The following ZNF558 variants were observed in gnomAD, a reference collection of about 807,000 sequenced individuals.
The protein encoded by ZNF558 is zinc finger protein 558.
A neutral mutation model predicts 37.6 loss-of-function variants in ZNF558; 23 were observed. The ratio of observed to expected loss-of-function variants is 0.61; its 90% CI spans 0.44 to 0.87. The LOEUF (loss-of-function observed/expected upper bound fraction) is 0.87. ZNF558 is among the 40% of genes least tolerant of loss of function. The probability of loss-of-function intolerance (pLI) is 0.00; values close to 1 mark genes in which losing one functional copy is unlikely to be tolerated. For synonymous variants in ZNF558, 189 were observed against 174.4 expected (o/e 1.08, Z -0.66); for missense variants, 429 against 483.7 (o/e 0.89, Z 1.06).
rs1171899625 is a variant in ZNF558, at chr19:8,821,172, A to T, written c.247+8T>A. 6.2e-7 allele frequency: 1 copy of T among 1,613,294 alleles called. No individual in the cohort carries two copies. Among genetic ancestry groups the T allele is most frequent in the Non-Finnish European group, 8.5e-7 (1 of 1,179,412 alleles). On this transcript the variant is annotated splice_region_variant and intron_variant, in intron 7 of 9. Coordinates refer to ENST00000601372, the MANE Select transcript of ZNF558 (RefSeq NM_144693.3). The stretch of plus-strand genomic sequence containing the variant: ...ATTAAATAAATGCAGGAATGACATT[A>T]GGCTTACCTAGTGAGGCCAGGTTCC...
chr19:8,815,738 A>G (rs1486636466), intron 7 of ZNF558, among the ~76,000 whole-genome samples: 1 of 151,922 alleles, frequency 6.6e-6, no homozygotes, highest in Non-Finnish European at 1.5e-5. Context: ...GTAAGCCACA[A>G]TCACTCTGCT....
intron 2 of ZNF558, among the ~76,000 whole-genome samples, 166 bp from the exon 3 acceptor site, chr19:8,825,274 C>A (rs916391958): frequency 6.6e-6 from 1 of 152,220 alleles, no homozygotes; most frequent in Admixed American, 6.5e-5. Flanking sequence ...GAAAACACCA[C>A]AAGTGACCAT....
chr19:8,819,601 G>A (rs1389823810), intron 7 of ZNF558, among the ~76,000 whole-genome samples: 1 of 152,124 alleles, frequency 6.6e-6, no homozygotes, highest in African/African-American at 2.4e-5. Flanking sequence ...AATATAAAAT[G>A]AACTTTTAAA....
intron 2 of ZNF558, among the ~76,000 whole-genome samples, chr19:8,826,482 T>TCCCTCACATGCAAA (rs2044234441): frequency 6.6e-6 from 1 of 150,670 alleles, no homozygotes. Context: ...TCCTAAGGAG[T>TCCCTCACATGCAAA]GTGCAATCCA....
chr19:8,836,823 A>T (rs773771774), upstream of ZNF558, among the ~76,000 whole-genome samples: 1 of 152,202 alleles, frequency 6.6e-6, no homozygotes, highest in Admixed American at 6.5e-5. Flanking sequence ...ACACCATCAC[A>T]TTATTAAATG....
At chr19:8,815,217 T>C (rs1308139387) in intron 7 of ZNF558, among the ~76,000 whole-genome samples, 4 of 151,994 alleles carry the variant, frequency 2.6e-5, no homozygotes, top group Admixed American at 6.6e-5. Context: ...CTAAAAGATG[T>C]AAAAGAAATA....
intron 2 of ZNF558, among the ~76,000 whole-genome samples, chr19:8,826,964 G>A (rs1036888015): frequency 1.3e-5 from 2 of 152,144 alleles, no homozygotes; most frequent in Non-Finnish European, 2.9e-5. Context: ...GTGCAGGTAG[G>A]CACACAGTAG....
At chr19:8,833,858 A>G (rs1210743168), upstream of ZNF558, among the ~76,000 whole-genome samples, 1 of 151,806 alleles carries the variant, frequency 6.6e-6, no homozygotes, top group Non-Finnish European at 1.5e-5. Context: ...GTGGTGGCGG[A>G]TGCCTTGTAA....
chr19:8,810,136 TAACA>T lies in ZNF558; in HGVS notation c.*1141_*1144del, dbSNP rs1239137694. ...GTAGTGTGAATGCTCACAAGTTTCC[TAACA>T]AATGTAGAAAAACAGAAAGCTCTCC... On this transcript the variant is annotated 3_prime_UTR_variant, in exon 10 of 10. Coordinates refer to ENST00000601372, the MANE Select transcript of ZNF558 (RefSeq NM_144693.3). The T allele has an allele frequency of 2.0e-5, 3 of 152,186 alleles. No individual in the cohort carries two copies. Among genetic ancestry groups the T allele is most frequent in the African/African-American group, 7.2e-5 (3 of 41,446 alleles). 9.4% of individuals were successfully genotyped at this position (152,186 alleles called of 1,614,324 possible). A position where few individuals can be genotyped will look rare whatever the true frequency, so the allele number is the denominator to read the frequency against.
chr19:8,829,199 G>A (rs991028421), intron 2 of ZNF558, among the ~76,000 whole-genome samples: 9 of 151,802 alleles, frequency 5.9e-5, no homozygotes, highest in Non-Finnish European at 1.2e-4. Flanking sequence ...GCCGGGGGTT[G>A]CAGTGAGCTG....
upstream of ZNF558, among the ~76,000 whole-genome samples, chr19:8,834,695 T>C (rs1204772719): frequency 6.7e-6 from 1 of 148,862 alleles, no homozygotes; most frequent in African/African-American, 2.5e-5. Flanking sequence ...AAATTGGACC[T>C]CTACTTCACA....
At chr19:8,835,731 C>A (rs964511178), upstream of ZNF558, among the ~76,000 whole-genome samples, 1 of 152,162 alleles carries the variant, frequency 6.6e-6, no homozygotes, top group African/African-American at 2.4e-5. Context: ...CATGAATGTT[C>A]ATAGCAGCAT....
intron 2 of ZNF558, chr19:8,830,922 C>A (rs1346957963): frequency 1.3e-5 from 2 of 151,304 alleles, no homozygotes; most frequent in African/African-American, 4.9e-5. Context: ...TCAAATCAAA[C>A]AGGCCTGAAA....
chr19:8,832,059 A>G (rs2044372836), intron 1 of ZNF558, 150 bp downstream of exon 1: 1 of 152,300 alleles, frequency 6.6e-6, no homozygotes, highest in Non-Finnish European at 1.5e-5. Flanking sequence ...CCCAGGAGCA[A>G]GCAGCAGCTT....
In ZNF558 at chr19:8,822,021, G is replaced by A; in HGVS notation, c.102C>T (p.Leu34=). Residue 34 remains leucine, a synonymous_variant, in exon 6 of 10, where the codon CTC becomes CTT. Coordinates refer to ENST00000601372, the MANE Select transcript of ZNF558 (RefSeq NM_144693.3). The surrounding 1 kb of genome is among the most constrained non-coding windows in gnomAD (Gnocchi z 4.4). ...GACTCACCCGTAGCCAGCTTGTCAG[G>A]AGCTCATTAACCAGCTCTCCGCCCT... is the stretch of plus-strand genomic sequence containing the variant. ...HTQGGELVNE[L]LTSWLRGLVT... 4 of 1,614,026 alleles carry A rather than the reference G, an allele frequency of 2.5e-6. No individual in the cohort carries two copies. Among genetic ancestry groups the A allele is most frequent in the South Asian group, 1.1e-5 (1 of 91,072 alleles).
Position 8,821,305 on chromosome 19 carries a change from C to A in ZNF558, c.122G>T (p.Gly41Val), listed in dbSNP as rs1266833216. Reference sequence around the variant, plus strand: ...GGCCACATCCTCGAAGGTTACCAAGCCCTAAAGCATTGCAAACATCACGGC... The same window carrying A: ...GGCCACATCCTCGAAGGTTACCAAGACCTAAAGCATTGCAAACATCACGGC... Reference protein sequence around the residue: ...VNELLTSWLRGLVTFEDVAVE... With the variant: ...VNELLTSWLRVLVTFEDVAVE... Residue 41 changes from glycine (G) to valine (V), a missense_variant and splice_region_variant, in exon 7 of 10, where the codon GGC (glycine) becomes GTC (valine). Coordinates refer to ENST00000601372, the MANE Select transcript of ZNF558 (RefSeq NM_144693.3). 6.2e-7 allele frequency: 1 copy of A among 1,614,076 alleles called. No individual in the cohort carries two copies. Among genetic ancestry groups the A allele is most frequent in the African/African-American group, 1.3e-5 (1 of 74,916 alleles).
At chr19:8,825,691 T>C (rs771980817) in intron 2 of ZNF558, among the ~76,000 whole-genome samples, 39 of 152,026 alleles carry the variant, frequency 2.6e-4, no homozygotes, top group Non-Finnish European at 5.3e-4. Context: ...AGGGTGTGAA[T>C]GGGCAGGGAT....
chr19:8,823,584 C>T (rs2044157990), intron 4 of ZNF558, among the ~76,000 whole-genome samples: 1 of 143,600 alleles, frequency 7.0e-6, no homozygotes, highest in South Asian at 2.4e-4. Context: ...CTGTGCTCGG[C>T]CTCAGTCACC....
At chr19:8,818,408 C>T (rs1293484458) in intron 7 of ZNF558, among the ~76,000 whole-genome samples, 1 of 152,108 alleles carries the variant, frequency 6.6e-6, no homozygotes, top group African/African-American at 2.4e-5. Context: ...GCCGAGATCG[C>T]ACCACTGCAC....
Sources: gnomAD v4.1 joint callset for allele counts (sites outside exome capture counted in the v4.1 genomes callset) on GRCh38, gnomAD v4.1.1 for gene constraint, Gnocchi (gnomAD v3.1) non-coding constraint, MANE v1.5 for transcripts, NCBI Gene and HGNC (gene_info 2026-07-23, HGNC 2026-07-21) for gene names.